Variants in B3GNT3 observed in about 807,000 individuals in gnomAD.
The protein encoded by B3GNT3 is UDP-GlcNAc:betaGal beta-1,3-N-acetylglucosaminyltransferase 3.
Under a neutral mutation model 11.6 loss-of-function variants are expected in B3GNT3, and 7 were observed. That is an observed-to-expected ratio of 0.60 (90% confidence interval 0.34 to 1.13). The LOEUF is 1.13. Among genes scored for constraint, B3GNT3 ranks in the 50% most tolerant of loss-of-function variants. B3GNT3 has a pLI of 0.03. For missense variants in B3GNT3, 400 were observed against 507.4 expected, an observed-to-expected ratio of 0.79 and a Z score of 2.03; for synonymous variants, 201 against 222.1, an observed-to-expected ratio of 0.90 and a Z score of 0.85.
In B3GNT3 at chr19:17,812,269, C is replaced by A. The variant is rs1235237673; in HGVS notation, c.*147C>A. The A allele has an allele frequency of 1.3e-5, 11 of 864,422 alleles. No individual in the cohort carries two copies. Among genetic ancestry groups the A allele is most frequent in the Middle Eastern group, 3.6e-4 (1 of 2,794 alleles). The allele number at this position is 864,422 out of a possible 1,614,324, so 53.5% of individuals were successfully genotyped here. On this transcript the variant is annotated 3_prime_UTR_variant, in exon 3 of 3. Coordinates refer to ENST00000318683, the MANE Select transcript of B3GNT3 (RefSeq NM_014256.4). ...TTTGATGAGTGAATATTCTGGCTGG[C>A]GAACTCCTACACATCCTTCAAAACC...
chr19:17,808,049 A>G lies in B3GNT3; in HGVS notation c.242A>G (p.Gln81Arg), dbSNP rs373412918. The change falls in exon 2 of 3, where the codon CAG (glutamine) becomes CGG (arginine). Residue 81 changes from glutamine to arginine, a missense_variant. Physicochemically the swap from Gln to Arg is conservative, Grantham distance 43. Coordinates refer to ENST00000318683, the MANE Select transcript of B3GNT3 (RefSeq NM_014256.4). ...PDFATQPQHV[Q>R]NFLLYRHCRH... ...TTCGCCACGCAGCCGCAGCACGTTC[A>G]GAACTTCCTCCTGTACAGACACTGC... The G allele has an allele frequency of 7.3e-5, 117 of 1,607,890 alleles. No homozygotes were observed. Among genetic ancestry groups the G allele is most frequent in the Non-Finnish European group, 9.2e-5 (109 of 1,179,340 alleles).
At chr19:17,809,675 C>T (rs1312256584) in intron 2 of B3GNT3, among the ~76,000 whole-genome samples, 1 of 151,936 alleles carries the variant, frequency 6.6e-6, no homozygotes, top group Non-Finnish European at 1.5e-5. Flanking sequence ...TCTCAAACTC[C>T]TGACCTCAAG....
In B3GNT3 at chr19:17,807,960, T is replaced by TCCTGCCCC; in HGVS notation, c.155_156insTGCCCCCC (p.Pro53AlafsTer63). The TCCTGCCCC allele has an allele frequency of 6.2e-7, 1 of 1,609,548 alleles. No individual in the cohort carries two copies. Among genetic ancestry groups the TCCTGCCCC allele is most frequent in the Non-Finnish European group, 8.5e-7 (1 of 1,178,130 alleles). ...TCCCCGAGGCCCTGGCCTGGCCCAC[T>TCCTGCCCC]CCACCCACCCGCCCAGCCCCGGCCC... is the stretch of plus-strand genomic sequence containing the variant. On this transcript the variant is annotated frameshift_variant, in exon 2 of 3. Coordinates refer to ENST00000318683, the MANE Select transcript of B3GNT3 (RefSeq NM_014256.4). LOFTEE classifies it high-confidence loss of function.
intron 1 of B3GNT3, among the ~76,000 whole-genome samples, chr19:17,804,240 CT>C (rs773524591): frequency 2.1e-3 from 241 of 112,164 alleles, no homozygotes; most frequent in African/African-American, 5.1e-3. Flanking sequence ...TCTTTTTTTT[CT>C]TTTTTTTTTT....
Position 17,807,960 on chromosome 19 carries a change from T to TACCCCC in B3GNT3, c.153_154insACCCCC (p.Thr51_Pro52insThrPro). On this transcript the variant is annotated inframe_insertion, in exon 2 of 3. Transcript: ENST00000318683. ...TCCCCGAGGCCCTGGCCTGGCCCAC[T>TACCCCC]CCACCCACCCGCCCAGCCCCGGCCC... 2.5e-6 allele frequency: 4 copies of TACCCCC among 1,609,542 alleles called. No homozygotes were observed. The highest frequency in any genetic ancestry group is 2.5e-6 in the Non-Finnish European group (3 of 1,178,130).
chr19:17,808,553 T>C (rs2094176736), intron 2 of B3GNT3, among the ~76,000 whole-genome samples, 179 bp downstream of exon 2: 2 of 152,086 alleles, frequency 1.3e-5, no homozygotes, highest in Admixed American at 1.3e-4. Flanking sequence ...TAGGAGAGGC[T>C]AGGGGGAAGG....
chr19:17,799,888 C>T (rs2094164011), intron 1 of B3GNT3, among the ~76,000 whole-genome samples: 1 of 152,204 alleles, frequency 6.6e-6, no homozygotes, highest in South Asian at 2.1e-4. Context: ...GGGAGTTTCA[C>T]AGGGAGAATT....
chr19:17,805,123 T>A lies in B3GNT3; in HGVS notation c.-50-2635T>A, dbSNP rs543914703. 2.1e-4 allele frequency among the ~76,000 whole-genome samples: 31 copies of A among 149,600 alleles called. 1 individual carries two copies. Among genetic ancestry groups the A allele is most frequent in the African/African-American group, 6.0e-4 (24 of 39,856 alleles). On this transcript the variant is annotated intron_variant, in intron 1 of 2. Transcript: ENST00000318683. Reference sequence around the variant, plus strand: ...CCACAGGGATTTTTTTTTTTTTTTTTAATGACAGTCTCTCTCTGTTGCCCA... The same window carrying A: ...CCACAGGGATTTTTTTTTTTTTTTTAAATGACAGTCTCTCTCTGTTGCCCA...
chr19:17,797,326 C>G (rs2094160560), intron 1 of B3GNT3, among the ~76,000 whole-genome samples: 1 of 152,156 alleles, frequency 6.6e-6, no homozygotes, highest in Admixed American at 6.6e-5. Flanking sequence ...TGGAGAAGAG[C>G]TCTGACCAGC....
In B3GNT3 at chr19:17,808,061, T is replaced by C. The variant is rs2094175808; in HGVS notation, c.254T>C (p.Leu85Pro). 1.9e-6 allele frequency: 3 copies of C among 1,599,910 alleles called. No individual in the cohort carries two copies. Among genetic ancestry groups the C allele is most frequent in the Non-Finnish European group, 2.6e-6 (3 of 1,175,256 alleles). Residue 85 changes from leucine (L) to proline (P), a missense_variant, in exon 2 of 3, where the codon CTG becomes CCG. Leu to Pro is a moderately conservative substitution (Grantham distance 98). Transcript: ENST00000318683. The part of the protein sequence containing the change: ...TQPQHVQNFL[L>P]YRHCRHFPLL... ...CCGCAGCACGTTCAGAACTTCCTCCTGTACAGACACTGCCGCCACTTTCCC... is the reference window on the plus strand; with the variant it reads ...CCGCAGCACGTTCAGAACTTCCTCCCGTACAGACACTGCCGCCACTTTCCC...
chr19:17,810,615 C>G (rs1314558670), intron 2 of B3GNT3, among the ~76,000 whole-genome samples: 1 of 151,864 alleles, frequency 6.6e-6, no homozygotes. Context: ...GGCACGGTGG[C>G]TCACACCTGT....
intron 1 of B3GNT3, among the ~76,000 whole-genome samples, chr19:17,805,550 AC>A (rs1300084512): frequency 2.0e-5 from 3 of 151,900 alleles, no homozygotes; most frequent in Non-Finnish European, 4.4e-5. Context: ...CCATAACTCC[AC>A]CATCACCTCC....
intron 1 of B3GNT3, among the ~76,000 whole-genome samples, chr19:17,804,223 CTTTCTTTCT>C (rs1051257840): frequency 1.8e-4 from 26 of 143,034 alleles, no homozygotes; most frequent in Non-Finnish European, 3.7e-4. Flanking sequence ...TTTTTCTTTT[CTTTCTTTCT>C]TTTTTTTCTT....
intron 1 of B3GNT3, 121 bp from the exon 2 acceptor site, chr19:17,807,637 T>G: frequency 1.6e-6 from 1 of 638,950 alleles, no homozygotes; most frequent in Non-Finnish European, 2.7e-6. Flanking sequence ...AGGAGTTAAG[T>G]GGGGGGTGAA....
At chr19:17,805,951 C>G (rs1391591618) in intron 1 of B3GNT3, among the ~76,000 whole-genome samples, 1 of 151,668 alleles carries the variant, frequency 6.6e-6, no homozygotes, top group Non-Finnish European at 1.5e-5. Flanking sequence ...GCACATGCTA[C>G]CACAGCCTGC....
chr19:17,807,962 C>CCG lies in B3GNT3; in HGVS notation c.155_156insCG (p.Pro53AspfsTer61). Reference sequence around the variant, plus strand: ...CCCGAGGCCCTGGCCTGGCCCACTCCACCCACCCGCCCAGCCCCGGCCCCG... The same window carrying CCG: ...CCCGAGGCCCTGGCCTGGCCCACTCCCGACCCACCCGCCCAGCCCCGGCCCCG... On this transcript the variant is annotated frameshift_variant, in exon 2 of 3. Coordinates refer to ENST00000318683, the MANE Select transcript of B3GNT3 (RefSeq NM_014256.4). LOFTEE classifies it high-confidence loss of function. 119 of 1,608,202 alleles carry CCG rather than the reference C, an allele frequency of 7.4e-5. No individual in the cohort carries two copies. Among genetic ancestry groups the CCG allele is most frequent in the Non-Finnish European group, 9.3e-5 (109 of 1,176,400 alleles).
chr19:17,797,296 T>C (rs1378709834), intron 1 of B3GNT3, among the ~76,000 whole-genome samples: 1 of 152,226 alleles, frequency 6.6e-6, no homozygotes, highest in East Asian at 1.9e-4. Context: ...TGAATATTTC[T>C]GAGCTCTAAG....
rs781448394 is a variant in B3GNT3, at chr19:17,808,203, C to T, written c.396C>T (p.Arg132=). 2.5e-5 allele frequency: 41 copies of T among 1,611,460 alleles called. No homozygotes were observed. The highest frequency in any genetic ancestry group is 5.0e-5 in the Admixed American group (3 of 59,902). The change falls in exon 2 of 3, where the codon CGC becomes CGT. Residue 132 remains arginine (R), a synonymous_variant. Coordinates refer to ENST00000318683, the MANE Select transcript of B3GNT3 (RefSeq NM_014256.4). The part of the protein sequence containing the change: ...RRELLRRTWG[R]ERKVRGLQLR... ...AGCTGCTGCGGCGCACGTGGGGCCG[C>T]GAGCGCAAGGTACGGGGTTTGCAGC...
At position 17,807,960 on chromosome 19, in the gene B3GNT3, T is replaced by TCCGGGCCCCCCC; in HGVS notation, c.155_156insGGGCCCCCCCCC (p.Pro52_Pro53insGlyProProPro). 2.5e-6 allele frequency: 4 copies of TCCGGGCCCCCCC among 1,609,538 alleles called. No individual in the cohort carries two copies. The highest frequency in any genetic ancestry group is 3.4e-6 in the Non-Finnish European group (4 of 1,178,124). On this transcript the variant is annotated inframe_insertion, in exon 2 of 3. Transcript: ENST00000318683. ...TCCCCGAGGCCCTGGCCTGGCCCACTCCACCCACCCGCCCAGCCCCGGCCC... is the reference window on the plus strand; with the variant it reads ...TCCCCGAGGCCCTGGCCTGGCCCACTCCGGGCCCCCCCCCACCCACCCGCCCAGCCCCGGCCC...
Sources: gnomAD v4.1 joint callset for allele counts (sites outside exome capture counted in the v4.1 genomes callset) on GRCh38, gnomAD v4.1.1 for gene constraint, MANE v1.5 for transcripts, NCBI Gene and HGNC (gene_info 2026-07-23, HGNC 2026-07-21) for gene names.